The following PRSS23 variants were observed in gnomAD, a reference collection of about 807,000 sequenced individuals.
PRSS23 encodes serine protease 23, also known as protease, serine 23.
PRSS23 carries 25 observed loss-of-function variants against 34.7 expected under a neutral mutation model. The observed-to-expected ratio is 0.72, with a 90% CI of 0.53 to 1.01. The LOEUF is 1.01. PRSS23 is among the 50% of genes least tolerant of loss of function. The pLI is 0.00. For synonymous variants in PRSS23, 176 were observed against 186.6 expected (o/e 0.94, Z 0.46); for missense variants, 445 against 475.6 (o/e 0.94, Z 0.60).
At chr11:86,829,299 T>A (rs1948330618) in intron 2 of PRSS23, among the ~76,000 whole-genome samples, 1 of 152,250 alleles carries the variant, frequency 6.6e-6, no homozygotes, top group Non-Finnish European at 1.5e-5. Flanking sequence ...CTCCTGAGGC[T>A]TCTGCATTCT....
intron 2 of PRSS23, among the ~76,000 whole-genome samples, chr11:86,941,621 T>A (rs73531334): frequency 0.03 from 4,574 of 152,350 alleles, 221 homozygotes; most frequent in African/African-American, 0.1. Context: ...TTCCTAGTTT[T>A]TAAAAATCAC....
chr11:86,814,280 A>C (rs542235798), downstream of PRSS23, among the ~76,000 whole-genome samples: 1 of 152,228 alleles, frequency 6.6e-6, no homozygotes, highest in African/African-American at 2.4e-5. Context: ...GGAGAGAATG[A>C]GGCTTGAGAA....
intron 2 of PRSS23, chr11:86,910,712 C>G (rs1741509234): frequency 6.6e-6 from 1 of 152,112 alleles, no homozygotes; most frequent in South Asian, 2.1e-4. Flanking sequence ...CACTTCCTCT[C>G]TAATCATGGT....
At chr11:86,821,429 G>A in intron 1 of PRSS23, 1 of 1,536,690 alleles carries the variant, frequency 6.5e-7, no homozygotes, top group Non-Finnish European at 9.0e-7. Flanking sequence ...CAGAAGACAT[G>A]CAGCACCATC....
intron 2 of PRSS23, among the ~76,000 whole-genome samples, chr11:86,835,512 A>C (rs549202008): frequency 8.5e-5 from 13 of 152,346 alleles, no homozygotes; most frequent in African/African-American, 2.9e-4. Context: ...CTTCTGCTTC[A>C]GGGGTCCATC....
At chr11:86,852,433 C>A (rs1054907513) in intron 2 of PRSS23, among the ~76,000 whole-genome samples, 2 of 152,280 alleles carry the variant, frequency 1.3e-5, no homozygotes, top group South Asian at 4.1e-4. Context: ...TCCATTGAAG[C>A]TTTGGGGCTC....
At chr11:86,927,846 AG>A (rs1345560858) in intron 2 of PRSS23, among the ~76,000 whole-genome samples, 19 of 152,084 alleles carry the variant, frequency 1.2e-4, no homozygotes, top group Non-Finnish European at 2.5e-4. Context: ...CCAGCTACTC[AG>A]GGGCTGAGGC....
rs186451024 is a variant in PRSS23 at position 86,846,995 on chromosome 11, A to G, written c.206+23402A>G. ...CCTTGGGGCCTATCAAGTACAATCT[A>G]TGGTGCATGGGTACAGCTCTTAGAG... On this transcript the variant is annotated intron_variant, in intron 2 of 2. Transcript: ENST00000533902. Among the ~76,000 whole-genome samples the G allele has an allele frequency of 3.3e-5, 5 of 152,348 alleles. No individual in the cohort carries two copies. The East Asian group carries it at 5.8e-4, about 18-fold the overall frequency.
At chr11:86,930,864 T>C (rs371985310) in intron 2 of PRSS23, among the ~76,000 whole-genome samples, 1 of 141,168 alleles carries the variant, frequency 7.1e-6, no homozygotes, top group South Asian at 2.5e-4. Flanking sequence ...GTAAAGTGCT[T>C]CACAGTCAAG....
chr11:86,893,324 T>C (rs1250347346), intron 2 of PRSS23, among the ~76,000 whole-genome samples: 1 of 152,222 alleles, frequency 6.6e-6, no homozygotes. Flanking sequence ...ATGGCAGCCC[T>C]AGTAAACTAA....
chr11:86,930,651 G>T (rs1949118072), intron 2 of PRSS23, among the ~76,000 whole-genome samples: 1 of 152,100 alleles, frequency 6.6e-6, no homozygotes. Flanking sequence ...TTAGCCGGGC[G>T]TGGTGGCGGG....
chr11:86,858,788 A>C (rs1948591439), intron 2 of PRSS23, among the ~76,000 whole-genome samples: 1 of 151,414 alleles, frequency 6.6e-6, no homozygotes, highest in African/African-American at 2.4e-5. Flanking sequence ...AATATCGCAG[A>C]GGGTGTACAC....
At chr11:86,866,673 C>T (rs1948651595) in intron 2 of PRSS23, among the ~76,000 whole-genome samples, 1 of 152,114 alleles carries the variant, frequency 6.6e-6, no homozygotes, top group Non-Finnish European at 1.5e-5. Flanking sequence ...AAATTTGATC[C>T]CAGTGTTGGA....
chr11:86,863,341 T>C (rs964050377), intron 2 of PRSS23, among the ~76,000 whole-genome samples: 2 of 152,200 alleles, frequency 1.3e-5, no homozygotes, highest in Non-Finnish European at 2.9e-5. Context: ...ATATAAACTT[T>C]TGCTTGCTAG....
intron 2 of PRSS23, among the ~76,000 whole-genome samples, chr11:86,899,272 AC>A (rs1482753077): frequency 9.9e-5 from 15 of 152,114 alleles, no homozygotes; most frequent in African/African-American, 3.6e-4. Flanking sequence ...TAATACCAGA[AC>A]TTTGGGAGGC....
At chr11:86,871,544 C>G (rs187207563) in intron 2 of PRSS23, among the ~76,000 whole-genome samples, 107 of 152,286 alleles carry the variant, frequency 7.0e-4, no homozygotes, top group Non-Finnish European at 1.3e-3. Flanking sequence ...CTCAGTAGCC[C>G]CAAACTCTAT....
chr11:86,829,181 C>G (rs1449858437), intron 2 of PRSS23, among the ~76,000 whole-genome samples: 1 of 152,152 alleles, frequency 6.6e-6, no homozygotes, highest in Admixed American at 6.5e-5. Flanking sequence ...TTCTTGGAGG[C>G]TTTGTTCGTT....
intron 2 of PRSS23, among the ~76,000 whole-genome samples, chr11:86,865,981 G>C (rs1463693935): frequency 3.3e-5 from 5 of 152,180 alleles, no homozygotes; most frequent in Non-Finnish European, 7.3e-5. Flanking sequence ...CCATTTTACA[G>C]ATGGGGATGT....
At chr11:86,916,427 T>C (rs1437925162) in intron 2 of PRSS23, among the ~76,000 whole-genome samples, 1 of 152,140 alleles carries the variant, frequency 6.6e-6, no homozygotes, top group Non-Finnish European at 1.5e-5. Flanking sequence ...CCTGGGAAAA[T>C]GGCAACAATC....
Sources: gnomAD v4.1 joint callset for allele counts (sites outside exome capture counted in the v4.1 genomes callset) on GRCh38, gnomAD v4.1.1 for gene constraint, MANE v1.5 for transcripts, NCBI Gene and HGNC (gene_info 2026-07-23, HGNC 2026-07-21) for gene names.